P4HA3: variants seen among roughly 807,000 people sequenced by gnomAD.
P4HA3 encodes prolyl 4-hydroxylase subunit alpha 3, also known as prolyl 4-hydroxylase subunit alpha-3.
A neutral mutation model predicts 66.7 loss-of-function variants in P4HA3; 60 were observed. The ratio of observed to expected loss-of-function variants is 0.90; its 90% CI spans 0.73 to 1.12. P4HA3 has a LOEUF of 1.12. P4HA3 is among the 50% of genes most tolerant of loss of function. The probability of loss-of-function intolerance (pLI) is 0.00; values close to 1 mark genes in which losing one functional copy is unlikely to be tolerated. For synonymous variants in P4HA3, 263 were observed against 274.6 expected (o/e 0.96, Z 0.42); for missense variants, 683 against 685.8 (o/e 1.00, Z 0.05).
chr11:74,286,014 G>A (rs1565413068), intron 6 of P4HA3, 29 bp from the exon 7 acceptor site: 1 of 1,580,054 alleles, frequency 6.3e-7, no homozygotes, highest in Non-Finnish European at 8.7e-7. Flanking sequence ...ATGAGCATAA[G>A]AGAAGAAGGG....
chr11:74,252,372 T>C, intron 15 of P4HA3: 1 of 451,612 alleles, frequency 2.2e-6, no homozygotes, highest in South Asian at 1.6e-5. Context: ...ATAGGGATTA[T>C]AGGCACAAGC....
At chr11:74,270,575 G>A (rs1034005431) in intron 10 of P4HA3, among the ~76,000 whole-genome samples, 1 of 152,140 alleles carries the variant, frequency 6.6e-6, no homozygotes, top group Non-Finnish European at 1.5e-5. Flanking sequence ...CTGACTATAT[G>A]CTAAAAGTTA....
intron 1 of P4HA3, among the ~76,000 whole-genome samples, chr11:74,305,694 A>T (rs192236142): frequency 6.6e-6 from 1 of 152,340 alleles, no homozygotes; most frequent in African/African-American, 2.4e-5. Flanking sequence ...GATTCTAGGG[A>T]TACAAAGGCA....
intron 11 of P4HA3, among the ~76,000 whole-genome samples, chr11:74,269,015 T>C (rs1860094823): frequency 6.6e-6 from 1 of 152,226 alleles, no homozygotes; most frequent in African/African-American, 2.4e-5. Flanking sequence ...TGGCATTGAT[T>C]ATCGAATGCT....
intron 9 of P4HA3, among the ~76,000 whole-genome samples, chr11:74,276,393 T>A (rs1860394918): frequency 6.6e-6 from 1 of 151,560 alleles, no homozygotes; most frequent in South Asian, 2.1e-4. Flanking sequence ...CAGGACCTTG[T>A]CTCTACAAAA....
intron 15 of P4HA3, among the ~76,000 whole-genome samples, chr11:74,257,446 G>A (rs1565400365): frequency 6.6e-6 from 1 of 152,108 alleles, no homozygotes; most frequent in Non-Finnish European, 1.5e-5. Flanking sequence ...TTTGAGTTGA[G>A]CCTTGAAGTA....
At chr11:74,250,872 G>T in intron 15 of P4HA3, 1 of 1,229,462 alleles carries the variant, frequency 8.1e-7, no homozygotes, top group African/African-American at 1.5e-5. Context: ...GGTAGGTCCT[G>T]GGCTCCTGGA....
rs1202588684 is a variant in P4HA3, at chr11:74,298,272, C to A, written c.657G>T (p.Lys219Asn). The change falls in exon 4 of 13, where the codon AAG becomes AAT. Residue 219 changes from lysine (K) to asparagine (N), a missense_variant. Transcript: ENST00000331597. Reference sequence around the variant, plus strand: ...CTTCTAGACTTGCCTCATCCTCTGTCTTCCACTCTCCGTAAGATCCTCGGA... The same window carrying A: ...CTTCTAGACTTGCCTCATCCTCTGTATTCCACTCTCCGTAAGATCCTCGGA... The part of the protein sequence containing the change: ...SLFRGSYGEW[K>N]TEDEASLEDA... 6.2e-7 allele frequency: 1 copy of A among 1,614,038 alleles called. No homozygotes were observed. The highest frequency in any genetic ancestry group is 8.5e-7 in the Non-Finnish European group (1 of 1,180,012).
intron 6 of P4HA3, 70 bp downstream of exon 6, chr11:74,286,158 T>C (rs1860791811): frequency 1.3e-6 from 2 of 1,554,914 alleles, no homozygotes; most frequent in Non-Finnish European, 1.7e-6. Flanking sequence ...TCCCCTCATG[T>C]TATCCCAATT....
chr11:74,264,686 C>T (rs1253283400), downstream of P4HA3, among the ~76,000 whole-genome samples: 1 of 152,168 alleles, frequency 6.6e-6, no homozygotes, highest in African/African-American at 2.4e-5. Context: ...CCCAAGGCTC[C>T]CCTACCTCTT....
At chr11:74,269,018 C>T (rs1309419424) in intron 11 of P4HA3, among the ~76,000 whole-genome samples, 1 of 152,158 alleles carries the variant, frequency 6.6e-6, no homozygotes, top group African/African-American at 2.4e-5. Flanking sequence ...CATTGATTAT[C>T]GAATGCTCAG....
rs1302130540 is a variant in P4HA3 at position 74,266,671 on chromosome 11, T to G, written c.*577A>C. On this transcript the variant is annotated 3_prime_UTR_variant, in exon 13 of 13. Transcript: ENST00000331597. Reference sequence around the variant, plus strand: ...GTTGGGAAAAATGATTTATAAACATTTTTAATGACTGTGTTAAAAAACCAT... The same window carrying G: ...GTTGGGAAAAATGATTTATAAACATGTTTAATGACTGTGTTAAAAAACCAT... 1 of 177,988 alleles carries G rather than the reference T, an allele frequency of 5.6e-6. No homozygotes were observed. Among genetic ancestry groups the G allele is most frequent in the Admixed American group, 5.4e-5 (1 of 18,524 alleles). 11.0% of individuals were successfully genotyped at this position (177,988 alleles called of 1,614,324 possible).
intron 15 of P4HA3, among the ~76,000 whole-genome samples, chr11:74,257,765 G>A (rs769269713): frequency 6.6e-6 from 1 of 152,038 alleles, no homozygotes; most frequent in Non-Finnish European, 1.5e-5. Context: ...ATGAGGCCAA[G>A]AGGTCAGTAA....
At chr11:74,256,422 A>C (rs1591078605) in intron 15 of P4HA3, among the ~76,000 whole-genome samples, 1 of 152,220 alleles carries the variant, frequency 6.6e-6, no homozygotes, top group African/African-American at 2.4e-5. Flanking sequence ...TTTAAAGGCA[A>C]GGAAGCAAAA....
At chr11:74,290,992 G>T (rs1428318642) in intron 4 of P4HA3, among the ~76,000 whole-genome samples, 1 of 152,172 alleles carries the variant, frequency 6.6e-6, no homozygotes, top group African/African-American at 2.4e-5. Context: ...AAAGTCATTG[G>T]TAGCTTGATG....
At chr11:74,280,153 A>G (rs188271604) in intron 7 of P4HA3, among the ~76,000 whole-genome samples, 120 of 152,008 alleles carry the variant, frequency 7.9e-4, no homozygotes, top group Admixed American at 2.7e-3. Flanking sequence ...CATTTAAATT[A>G]TTATTATTAT....
chr11:74,311,388 C>A (rs748027049), intron 1 of P4HA3, 24 bp downstream of exon 1: 3 of 1,477,558 alleles, frequency 2.0e-6, no homozygotes, highest in Non-Finnish European at 8.9e-7. Context: ...GCCCCTCGGT[C>A]GCTCCCACTC....
intron 4 of P4HA3, 145 bp from the exon 5 acceptor site, chr11:74,289,275 A>T (rs1311067277): frequency 2.4e-5 from 16 of 665,268 alleles, no homozygotes; most frequent in Non-Finnish European, 8.9e-6. Context: ...ACAGCAGACC[A>T]GAAATGCAGA....
At chr11:74,302,255 C>A in intron 3 of P4HA3, 114 bp downstream of exon 3, 1 of 1,004,898 alleles carries the variant, frequency 1.0e-6, no homozygotes, top group East Asian at 2.5e-5. Context: ...GAAATGATAT[C>A]AAATTTCCAA....
Sources: gnomAD v4.1 joint callset for allele counts (sites outside exome capture counted in the v4.1 genomes callset) on GRCh38, gnomAD v4.1.1 for gene constraint, MANE v1.5 for transcripts, NCBI Gene and HGNC (gene_info 2026-07-23, HGNC 2026-07-21) for gene names.